SUPT7L: variants seen among roughly 807,000 people sequenced by gnomAD.
The protein encoded by SUPT7L is SPT7 like, STAGA complex subunit gamma.
Under a neutral mutation model 35.7 loss-of-function variants are expected in SUPT7L, and 15 were observed. That is an observed-to-expected ratio of 0.42 (90% CI 0.28 to 0.65). The LOEUF (loss-of-function observed/expected upper bound fraction) is 0.65. SUPT7L is among the 30% of genes least tolerant of loss of function. The probability of loss-of-function intolerance (pLI) is 0.23; values close to 1 mark genes in which losing one functional copy is unlikely to be tolerated. For missense variants in SUPT7L, 434 were observed against 522.2 expected (o/e 0.83, Z 1.65); for synonymous variants, 168 against 186.2 (o/e 0.90, Z 0.79).
chr2:27,655,346 G>T lies in SUPT7L; in HGVS notation c.982+19C>A. On this transcript the variant is annotated intron_variant, in intron 5 of 5. Transcript: ENST00000337768. The stretch of plus-strand genomic sequence containing the variant: ...GGCAGATCTCCCAGAATCAAAGTGA[G>T]TAAGTTTATTTGTCTTACTTGAAGC... 1 of 1,517,544 alleles carries T rather than the reference G, an allele frequency of 6.6e-7. No individual in the cohort carries two copies. The highest frequency in any genetic ancestry group is 8.8e-7 in the Non-Finnish European group (1 of 1,133,536). The allele number at this position is 1,517,544 out of a possible 1,614,324, so 94.0% of individuals were successfully genotyped here.
downstream of SUPT7L, among the ~76,000 whole-genome samples, chr2:27,646,668 A>G (rs1674249145): frequency 6.6e-6 from 1 of 152,178 alleles, no homozygotes; most frequent in African/African-American, 2.4e-5. Context: ...TGTACTTAAA[A>G]GAAAAGCTCC....
At chr2:27,658,515 T>G (rs1318626122) in intron 3 of SUPT7L, among the ~76,000 whole-genome samples, 2 of 152,240 alleles carry the variant, frequency 1.3e-5, no homozygotes, top group East Asian at 3.8e-4. Context: ...ACCTGTCTCT[T>G]GAAATTTCCT....
rs1328149985 is a variant in SUPT7L at position 27,651,349 on chromosome 2, G to A, written c.*2136C>T. ...GTCTGTTTTAGAAAGCCCTCCATGT[G>A]ATTCTGATGCATAGTAGCCTATGAC... is the stretch of plus-strand genomic sequence containing the variant. On this transcript the variant is annotated 3_prime_UTR_variant, in exon 6 of 6. Coordinates refer to ENST00000337768, the MANE Select transcript of SUPT7L (RefSeq NM_014860.3). 2.6e-5 allele frequency: 4 copies of A among 152,266 alleles called. No individual in the cohort carries two copies. The highest frequency in any genetic ancestry group is 5.9e-5 in the Non-Finnish European group (4 of 68,030). 9.4% of individuals were successfully genotyped at this position (152,266 alleles called of 1,614,324 possible). A position where few individuals can be genotyped will look rare whatever the true frequency, so the allele number is the denominator to read the frequency against.
intron 2 of SUPT7L, 27 bp from the exon 3 acceptor site, chr2:27,661,415 G>A: frequency 6.2e-7 from 1 of 1,612,412 alleles, no homozygotes; most frequent in South Asian, 1.1e-5. Context: ...AAGAAGAGAA[G>A]AGGTCTCAGG....
chr2:27,655,362 T>G lies in SUPT7L; in HGVS notation c.982+3A>C. On this transcript the variant is annotated splice_donor_region_variant and intron_variant, in intron 5 of 5. Coordinates refer to ENST00000337768, the MANE Select transcript of SUPT7L (RefSeq NM_014860.3). Reference sequence around the variant, plus strand: ...TCAAAGTGAGTAAGTTTATTTGTCTTACTTGAAGCCTGTGGTGAAGCTTCA... The same window carrying G: ...TCAAAGTGAGTAAGTTTATTTGTCTGACTTGAAGCCTGTGGTGAAGCTTCA... 1 of 1,543,358 alleles carries G rather than the reference T, an allele frequency of 6.5e-7. No individual in the cohort carries two copies. The highest frequency in any genetic ancestry group is 1.7e-4 in the Middle Eastern group (1 of 5,746).
At position 27,654,253 on chromosome 2, in the gene SUPT7L, C is replaced by T. The variant is rs187156072; in HGVS notation, c.983-506G>A. The stretch of plus-strand genomic sequence containing the variant: ...GGTCTTCTTTGAAGAGACATGGTCC[C>T]GAAGTCCGCAACAATTTCTCTTTGG... On this transcript the variant is annotated intron_variant, in intron 5 of 5. Transcript: ENST00000337768. 4.0e-3 allele frequency among the ~76,000 whole-genome samples: 610 copies of T among 152,306 alleles called. 3 individuals carry two copies. The highest frequency in any genetic ancestry group is 6.3e-3 in the Non-Finnish European group (429 of 68,034).
At chr2:27,660,563 C>G (rs187539179) in intron 3 of SUPT7L, among the ~76,000 whole-genome samples, 250 of 152,288 alleles carry the variant, frequency 1.6e-3, no homozygotes, top group African/African-American at 5.8e-3. Context: ...AAAATGAAAA[C>G]ACACAATTTA....
the SUPT7L span, chr2:27,642,572 T>A: frequency 1.9e-4 from 198 of 1,068,428 alleles, 1 homozygote; most frequent in South Asian, 3.0e-4. Flanking sequence ...CACTTCTTTC[T>A]TTTATTTATT....
chr2:27,644,740 T>TTTTTTTTC, the SUPT7L span, among the ~76,000 whole-genome samples: 5 of 148,524 alleles, frequency 3.4e-5, no homozygotes, highest in South Asian at 2.1e-4. Context: ...TTTTTTTTTT[T>TTTTTTTTC]TTTACAGATG....
chr2:27,662,950 C>CT (rs11315948), intron 1 of SUPT7L, among the ~76,000 whole-genome samples: 1,163 of 102,520 alleles, frequency 0.011, 10 homozygotes, highest in East Asian at 0.015. Flanking sequence ...TGGATTTTTT[C>CT]TTTTTTTTTT....
chr2:27,660,842 A>G (rs1675063486), intron 3 of SUPT7L, 142 bp downstream of exon 3: 13 of 1,156,382 alleles, frequency 1.1e-5, no homozygotes, highest in Non-Finnish European at 1.5e-5. Flanking sequence ...ATATCCCACT[A>G]ATTACCTGGA....
At position 27,650,929 on chromosome 2, in the gene SUPT7L, G is replaced by A. The variant is rs1674506537; in HGVS notation, c.*2556C>T. The A allele has an allele frequency of 6.5e-6, 1 of 152,706 alleles. No homozygotes were observed. The highest frequency in any genetic ancestry group is 2.4e-5 in the African/African-American group (1 of 41,458). 9.5% of individuals were successfully genotyped at this position (152,706 alleles called of 1,614,324 possible). On this transcript the variant is annotated 3_prime_UTR_variant, in exon 6 of 6. Coordinates refer to ENST00000337768, the MANE Select transcript of SUPT7L (RefSeq NM_014860.3). ...AGCTTCACTTCTCCTGTTCAACAGAGGCTTAAGGCCAGATGTCCAAACTTG... is the reference window on the plus strand; with the variant it reads ...AGCTTCACTTCTCCTGTTCAACAGAAGCTTAAGGCCAGATGTCCAAACTTG...
At chr2:27,663,235 C>T (rs1291555180) in intron 1 of SUPT7L, 94 bp downstream of exon 1, 1 of 161,126 alleles carries the variant, frequency 6.2e-6, no homozygotes, top group Non-Finnish European at 1.4e-5. Flanking sequence ...AGTCTGCTCT[C>T]TTAACCACTT....
chr2:27,643,919 C>CT, the SUPT7L span, among the ~76,000 whole-genome samples: 3 of 152,210 alleles, frequency 2.0e-5, no homozygotes, highest in Non-Finnish European at 4.4e-5. This position sits in a 1 kb window ranked among gnomAD's most constrained non-coding sequence, Gnocchi z 4.0. Context: ...TGGCTCACGC[C>CT]TGTAATCCCA....
At chr2:27,659,166 A>G (rs1057388842) in intron 3 of SUPT7L, among the ~76,000 whole-genome samples, 11 of 152,338 alleles carry the variant, frequency 7.2e-5, no homozygotes, top group African/African-American at 2.6e-4. Flanking sequence ...CTGTGCATGT[A>G]ATAACACAGT....
At position 27,653,385 on chromosome 2, in the gene SUPT7L, G is replaced by T; in HGVS notation, c.*100C>A. ...ATTAGGAAAAACCACTTGTGTTTAA[G>T]AACAGGAGTCAAATCAATTTTTAAG... On this transcript the variant is annotated 3_prime_UTR_variant, in exon 6 of 6. Coordinates refer to ENST00000337768, the MANE Select transcript of SUPT7L (RefSeq NM_014860.3). The T allele has an allele frequency of 6.7e-7, 1 of 1,483,408 alleles. No homozygotes were observed. Among genetic ancestry groups the T allele is most frequent in the Non-Finnish European group, 9.0e-7 (1 of 1,113,430 alleles). 91.9% of individuals were successfully genotyped at this position (1,483,408 alleles called of 1,614,324 possible).
At chr2:27,659,749 TTTAAAA>T (rs1674963399) in intron 3 of SUPT7L, among the ~76,000 whole-genome samples, 1 of 152,154 alleles carries the variant, frequency 6.6e-6, no homozygotes, top group Admixed American at 6.5e-5. Context: ...TGCAACTTAC[TTTAAAA>T]TGGGGGAAAA....
rs1283516532 is a variant in SUPT7L at position 27,651,950 on chromosome 2, C to A, written c.*1535G>T. 6.6e-6 allele frequency: 1 copy of A among 152,238 alleles called. No homozygotes were observed. Among genetic ancestry groups the A allele is most frequent in the African/African-American group, 2.4e-5 (1 of 41,434 alleles). 9.4% of individuals were successfully genotyped at this position (152,238 alleles called of 1,614,324 possible). A position where few individuals can be genotyped will look rare whatever the true frequency, so the allele number is the denominator to read the frequency against. Reference sequence around the variant, plus strand: ...TCACTTGAGGTCAGGAGTTTTGAGACCAGCCTGGCCAACACGGTGAAACCT... The same window carrying A: ...TCACTTGAGGTCAGGAGTTTTGAGAACAGCCTGGCCAACACGGTGAAACCT... On this transcript the variant is annotated 3_prime_UTR_variant, in exon 6 of 6. Transcript: ENST00000337768.
rs560895294 is a variant in SUPT7L at position 27,650,993 on chromosome 2, G to A, written c.*2492C>T. 7 of 152,486 alleles carry A rather than the reference G, an allele frequency of 4.6e-5. No individual in the cohort carries two copies. In the East Asian group the frequency reaches 7.5e-4, roughly 16 times the overall value. The allele number at this position is 152,486 out of a possible 1,614,324, so 9.4% of individuals were successfully genotyped here. A position where few individuals can be genotyped will look rare whatever the true frequency, so the allele number is the denominator to read the frequency against. ...GTGATATTTTACTAAAGTTTCCCAC[G>A]TGCACATACTGACTAAATACAGAGC... On this transcript the variant is annotated 3_prime_UTR_variant, in exon 6 of 6. Coordinates refer to ENST00000337768, the MANE Select transcript of SUPT7L (RefSeq NM_014860.3).
Sources: allele counts gnomAD v4.1 joint callset (sites outside exome capture counted in the v4.1 genomes callset), GRCh38; gene constraint gnomAD v4.1.1; non-coding constraint Gnocchi (gnomAD v3.1); transcripts MANE v1.5; gene names NCBI Gene and HGNC (gene_info 2026-07-23, HGNC 2026-07-21).